CDHR2: variants seen among roughly 807,000 people sequenced by gnomAD.
The protein encoded by CDHR2 is cadherin related family member 2.
A neutral mutation model predicts 138.6 loss-of-function variants in CDHR2; 104 were observed. The observed-to-expected ratio is 0.75, with a 90% CI of 0.64 to 0.88. CDHR2 has a LOEUF of 0.88. Among genes scored for constraint, CDHR2 ranks in the 40% least tolerant of loss-of-function variants. The pLI, the probability that CDHR2 is intolerant of heterozygous loss-of-function variation, is 0.00. For synonymous variants in CDHR2, 755 were observed against 742.8 expected, an observed-to-expected ratio of 1.02 and a Z score of -0.27; for missense variants, 1,624 against 1,727.6, an observed-to-expected ratio of 0.94 and a Z score of 1.06.
In CDHR2 at chr5:176,591,325, T is replaced by A. The variant is rs1206349965; in HGVS notation, c.3653+2T>A. 6.2e-7 allele frequency: 1 copy of A among 1,612,614 alleles called. No homozygotes were observed. The highest frequency in any genetic ancestry group is 8.5e-7 in the Non-Finnish European group (1 of 1,178,800). ...GACTAACATGTACAACACTGAGCGGTGAGCAGGGGTCAAAGGGTAGGTAAG... is the reference window on the plus strand; with the variant it reads ...GACTAACATGTACAACACTGAGCGGAGAGCAGGGGTCAAAGGGTAGGTAAG... On this transcript the variant is annotated splice_donor_variant, in intron 29 of 31. Transcript: ENST00000261944. LOFTEE classifies it high-confidence loss of function.
intron 3 of CDHR2, among the ~76,000 whole-genome samples, chr5:176,566,604 G>A (rs988592004): frequency 6.6e-6 from 1 of 152,162 alleles, no homozygotes; most frequent in African/African-American, 2.4e-5. Flanking sequence ...GCTTGAGGGG[G>A]CGGGGGTCAC....
chr5:176,593,011 A>C (rs906164699), intron 31 of CDHR2, among the ~76,000 whole-genome samples: 1 of 152,142 alleles, frequency 6.6e-6, no homozygotes, highest in Non-Finnish European at 1.5e-5. Context: ...TTCACCTGTA[A>C]ATGGGGATGG....
Position 176,590,421 on chromosome 5 carries a change from C to A in CDHR2, c.3354-4C>A, listed in dbSNP as rs965357141. The stretch of plus-strand genomic sequence containing the variant: ...CTCGGGCCTAAGTGGAGTTCTGTGG[C>A]CAGGATGATCCGGAATGATCAGGAC... On this transcript the variant is annotated splice_polypyrimidine_tract_variant and splice_region_variant and intron_variant, in intron 26 of 31. Transcript: ENST00000261944. 2 of 1,613,954 alleles carry A rather than the reference C, an allele frequency of 1.2e-6. No individual in the cohort carries two copies. The highest frequency in any genetic ancestry group is 2.7e-5 in the African/African-American group (2 of 74,912).
intron 30 of CDHR2, 48 bp downstream of exon 30, chr5:176,591,532 G>T (rs113319946): frequency 8.6e-6 from 12 of 1,400,550 alleles, no homozygotes; most frequent in Non-Finnish European, 1.2e-5. Context: ...GGTGGTACAG[G>T]TAGTGACGGT....
At position 176,568,826 on chromosome 5, in the gene CDHR2, C is replaced by G; in HGVS notation, c.264+9C>G. ...GCGCTCTGGACTACGAGGTAAAGAG[C>G]ATCAGCCGGAGAGGGCACGGGACGC... is the stretch of plus-strand genomic sequence containing the variant. On this transcript the variant is annotated intron_variant, in intron 4 of 31. Transcript: ENST00000261944. The G allele has an allele frequency of 1.2e-6, 2 of 1,613,870 alleles. No individual in the cohort carries two copies. Among genetic ancestry groups the G allele is most frequent in the Non-Finnish European group, 8.5e-7 (1 of 1,179,874 alleles).
Position 176,581,351 on chromosome 5 carries a change from C to T in CDHR2, c.1827C>T (p.Asp609=). ...CCTGCTTACGTGCACAGGCCCACGA[C>T]AATGATGAGCCGGGCACCAACAACA... ...GNVSVTIQAH[D]NDEPGTNNSR... The change falls in exon 17 of 32, where the codon GAC becomes GAT. Residue 609 remains aspartate, a synonymous_variant. Transcript: ENST00000261944. 3 of 1,613,400 alleles carry T rather than the reference C, an allele frequency of 1.9e-6. No individual in the cohort carries two copies. Among genetic ancestry groups the T allele is most frequent in the Non-Finnish European group, 2.5e-6 (3 of 1,180,022 alleles).
intron 1 of CDHR2, among the ~76,000 whole-genome samples, chr5:176,563,454 C>T (rs958944425): frequency 6.6e-6 from 1 of 151,908 alleles, no homozygotes; most frequent in East Asian, 1.9e-4. Flanking sequence ...TTTGGCTTTT[C>T]TCGAGGCCAG....
chr5:176,544,674 G>C (rs763732499), upstream of CDHR2, among the ~76,000 whole-genome samples: 15 of 152,120 alleles, frequency 9.9e-5, no homozygotes, highest in Non-Finnish European at 1.6e-4. Flanking sequence ...TCCTGACATG[G>C]TGATCCGCCC....
rs753087733 is a variant in CDHR2, at chr5:176,571,300, G to A, written c.403G>A (p.Glu135Lys). ...CACCGCTTTCTCCACCAGCATCAAC[G>A]AGGTGACACCTGCCTTAATGTGGTT... ...QNTAFSTSIN[E>K]TLPVGSVVFS... Residue 135 changes from glutamate to lysine, a missense_variant and splice_region_variant, in exon 6 of 32, where the codon GAG becomes AAG. Glu to Lys is a moderately conservative substitution (Grantham distance 56). Coordinates refer to ENST00000261944, the MANE Select transcript of CDHR2 (RefSeq NM_017675.6). 16 of 1,604,786 alleles carry A rather than the reference G, an allele frequency of 1.0e-5. No homozygotes were observed. The South Asian group carries it at 1.4e-4, about 14-fold the overall frequency.
chr5:176,587,380 G>A (rs868318405), intron 21 of CDHR2, among the ~76,000 whole-genome samples: 17 of 152,292 alleles, frequency 1.1e-4, no homozygotes, highest in Middle Eastern at 3.4e-3. Context: ...CTCGAGAGGC[G>A]GAGGTTGCGG....
intron 1 of CDHR2, among the ~76,000 whole-genome samples, chr5:176,556,386 G>C (rs372677434): frequency 4.9e-4 from 74 of 152,184 alleles, no homozygotes; most frequent in African/African-American, 1.8e-3. Context: ...ACCTAAACAG[G>C]CCGGGCGCGG....
intron 21 of CDHR2, 152 bp from the exon 22 acceptor site, chr5:176,588,879 T>G (rs1758759542): frequency 1.3e-6 from 1 of 771,200 alleles, no homozygotes. Context: ...CACTGTTTTT[T>G]GAAACCATTT....
intron 1 of CDHR2, among the ~76,000 whole-genome samples, chr5:176,559,034 A>G (rs1757907242): frequency 6.6e-6 from 1 of 152,194 alleles, no homozygotes; most frequent in African/African-American, 2.4e-5. Flanking sequence ...CTCTCCCTCA[A>G]CGCACAGGCC....
At chr5:176,590,726 C>G in intron 28 of CDHR2, 39 bp downstream of exon 28, 1 of 1,611,488 alleles carries the variant, frequency 6.2e-7, no homozygotes, top group Non-Finnish European at 8.5e-7. Context: ...AACCTTCACC[C>G]TCTCCCACCA....
At chr5:176,551,966 C>T (rs1001654326) in intron 1 of CDHR2, among the ~76,000 whole-genome samples, 20 of 152,058 alleles carry the variant, frequency 1.3e-4, no homozygotes, top group African/African-American at 2.4e-4. Context: ...GTAATCGGCC[C>T]GCCAAAGTGC....
chr5:176,571,319 T>G lies in CDHR2; in HGVS notation c.405+17T>G. The G allele has an allele frequency of 6.3e-7, 1 of 1,584,632 alleles. No individual in the cohort carries two copies. The highest frequency in any genetic ancestry group is 8.6e-7 in the Non-Finnish European group (1 of 1,160,762). On this transcript the variant is annotated intron_variant, in intron 6 of 31. Coordinates refer to ENST00000261944, the MANE Select transcript of CDHR2 (RefSeq NM_017675.6). ...ATCAACGAGGTGACACCTGCCTTAA[T>G]GTGGTTGTGGGGCAGGGGGCATCCC...
At chr5:176,579,148 G>A (rs566667193) in intron 16 of CDHR2, among the ~76,000 whole-genome samples, 80 of 152,330 alleles carry the variant, frequency 5.3e-4, no homozygotes, top group African/African-American at 1.8e-3. Context: ...AAACACCGGG[G>A]AGTAGCTTCC....
At chr5:176,544,478 C>T (rs1422701001), upstream of CDHR2, among the ~76,000 whole-genome samples, 1 of 59,378 alleles carries the variant, frequency 1.7e-5, no homozygotes, top group African/African-American at 3.3e-5. Flanking sequence ...CTTACTTTGT[C>T]GCCCAGGCTG....
intron 1 of CDHR2, among the ~76,000 whole-genome samples, chr5:176,555,318 C>T (rs940845115): frequency 6.6e-6 from 1 of 152,220 alleles, no homozygotes; most frequent in African/African-American, 2.4e-5. Flanking sequence ...CTGCCTCCTT[C>T]TCCCTGCCTC....
Sources: gnomAD v4.1 joint callset for allele counts (sites outside exome capture counted in the v4.1 genomes callset) on GRCh38, gnomAD v4.1.1 for gene constraint, MANE v1.5 for transcripts, NCBI Gene and HGNC (gene_info 2026-07-23, HGNC 2026-07-21) for gene names.